ATF6: variants seen among roughly 807,000 people sequenced by gnomAD.
ATF6 encodes the protein activating transcription factor 6, also known as cyclic AMP-dependent transcription factor ATF-6 alpha.
A neutral mutation model predicts 83.6 loss-of-function variants in ATF6; 53 were observed. The ratio of observed to expected loss-of-function variants is 0.63; its 90% CI spans 0.51 to 0.80. The LOEUF is 0.80. Among genes scored for constraint, ATF6 ranks in the 30% least tolerant of loss-of-function variants. The pLI is 0.00. For missense variants in ATF6, 744 were observed against 797.9 expected, an observed-to-expected ratio of 0.93 and a Z score of 0.81; for synonymous variants, 288 against 285.8, an observed-to-expected ratio of 1.01 and a Z score of -0.08.
chr1:161,925,327 A>G (rs1360223245), intron 15 of ATF6, among the ~76,000 whole-genome samples: 3 of 152,190 alleles, frequency 2.0e-5, no homozygotes, highest in Non-Finnish European at 1.5e-5. Context: ...TACATCATAC[A>G]TTGTACCTTC....
intron 10 of ATF6, among the ~76,000 whole-genome samples, chr1:161,848,763 G>A (rs535382184): frequency 3.3e-5 from 5 of 151,968 alleles, no homozygotes; most frequent in Non-Finnish European, 7.4e-5. Flanking sequence ...TTACTTTAAT[G>A]ATTTATTTGT....
chr1:161,867,063 G>A (rs998369849), intron 14 of ATF6, among the ~76,000 whole-genome samples: 2 of 152,178 alleles, frequency 1.3e-5, no homozygotes, highest in African/African-American at 2.4e-5. Flanking sequence ...GGGAGGCCGA[G>A]GCGGGTGGAT....
At chr1:161,799,959 A>G (rs1335106182) in intron 6 of ATF6, among the ~76,000 whole-genome samples, 2 of 152,186 alleles carry the variant, frequency 1.3e-5, no homozygotes, top group Non-Finnish European at 2.9e-5. Flanking sequence ...TAAACAAATT[A>G]TAAATTTACA....
At chr1:161,830,401 T>C (rs928481606) in intron 9 of ATF6, among the ~76,000 whole-genome samples, 7 of 152,118 alleles carry the variant, frequency 4.6e-5, no homozygotes, top group East Asian at 1.9e-4. Flanking sequence ...CAATGCCATC[T>C]CCATCAAGCT....
intron 14 of ATF6, chr1:161,891,663 C>T (rs1413837225): frequency 6.6e-6 from 1 of 152,156 alleles, no homozygotes; most frequent in Non-Finnish European, 1.5e-5. Flanking sequence ...GAGCACCAAC[C>T]GTGATAACCT....
rs180835782 is a variant in ATF6 at position 161,827,135 on chromosome 1, G to T, written c.1187+5974G>T. Among the ~76,000 whole-genome samples, 814 of 152,132 alleles carry T rather than the reference G, an allele frequency of 5.4e-3. 9 individuals are homozygous for T. Among genetic ancestry groups the T allele is most frequent in the Non-Finnish European group, 7.9e-3 (536 of 67,994 alleles). The stretch of plus-strand genomic sequence containing the variant: ...TTTAGTAGAGACAGGGTTTCACCAT[G>T]TTGGTCAGGCTGGTCTCGAACTCCT... On this transcript the variant is annotated intron_variant, in intron 9 of 15. Coordinates refer to ENST00000367942, the MANE Select transcript of ATF6 (RefSeq NM_007348.4).
At chr1:161,901,505 AAAATT>A (rs1369579997) in intron 14 of ATF6, among the ~76,000 whole-genome samples, 3 of 151,984 alleles carry the variant, frequency 2.0e-5, no homozygotes, top group Admixed American at 2.0e-4. Context: ...AAAAAAAAAA[AAAATT>A]AGTGAGAAGA....
At chr1:161,936,234 G>C (rs1487966346) in intron 15 of ATF6, among the ~76,000 whole-genome samples, 1 of 152,176 alleles carries the variant, frequency 6.6e-6, no homozygotes, top group Non-Finnish European at 1.5e-5. Flanking sequence ...TTGAGGAGCA[G>C]TTATATTTCA....
intron 15 of ATF6, among the ~76,000 whole-genome samples, chr1:161,912,610 A>G (rs1357776138): frequency 6.6e-6 from 1 of 152,182 alleles, no homozygotes; most frequent in Non-Finnish European, 1.5e-5. Context: ...CAAAATTGGA[A>G]AAGCTAGCAT....
intron 15 of ATF6, among the ~76,000 whole-genome samples, chr1:161,923,073 T>A (rs1274399720): frequency 6.6e-6 from 1 of 152,140 alleles, no homozygotes; most frequent in East Asian, 1.9e-4. Flanking sequence ...TCTGCAAAAC[T>A]TTTGCTTTAC....
At chr1:161,866,739 C>A (rs1687009714) in intron 14 of ATF6, among the ~76,000 whole-genome samples, 1 of 151,974 alleles carries the variant, frequency 6.6e-6, no homozygotes, top group African/African-American at 2.4e-5. Context: ...AAGTTTAATG[C>A]CTTTTTTGTT....
chr1:161,951,248 G>A (rs929177743), intron 15 of ATF6, among the ~76,000 whole-genome samples: 1 of 152,244 alleles, frequency 6.6e-6, no homozygotes, highest in African/African-American at 2.4e-5. Flanking sequence ...AGGTTGAAGA[G>A]AAGTGACTTT....
At chr1:161,931,404 C>T (rs1057113997) in intron 15 of ATF6, among the ~76,000 whole-genome samples, 1 of 152,178 alleles carries the variant, frequency 6.6e-6, no homozygotes, top group African/African-American at 2.4e-5. Context: ...TTGCCTTCCA[C>T]TATCTTTTTC....
In ATF6 at chr1:161,960,905, A is replaced by G. The variant is rs925108017; in HGVS notation, c.*2251A>G. Reference sequence around the variant, plus strand: ...TGACCATGGCTAGTAGACAGTGGCAACATAGTCATCCCCAAGATGCTAATC... The same window carrying G: ...TGACCATGGCTAGTAGACAGTGGCAGCATAGTCATCCCCAAGATGCTAATC... On this transcript the variant is annotated 3_prime_UTR_variant, in exon 16 of 16. Transcript: ENST00000367942. 6.6e-6 allele frequency: 1 copy of G among 152,250 alleles called. No individual in the cohort carries two copies. The highest frequency in any genetic ancestry group is 2.4e-5 in the African/African-American group (1 of 41,460). The allele number at this position is 152,250 out of a possible 1,614,324, so 9.4% of individuals were successfully genotyped here.
At chr1:161,813,673 C>T (rs1190491570) in intron 7 of ATF6, among the ~76,000 whole-genome samples, 3 of 152,084 alleles carry the variant, frequency 2.0e-5, no homozygotes, top group Admixed American at 1.3e-4. Context: ...ATGTCATAAG[C>T]ACTATTCTGG....
chr1:161,800,654 A>T (rs774816576), intron 6 of ATF6, among the ~76,000 whole-genome samples: 1 of 152,228 alleles, frequency 6.6e-6, no homozygotes, highest in Non-Finnish European at 1.5e-5. Context: ...ACAACAAAAA[A>T]TGGCAGCTTT....
At chr1:161,837,076 G>A (rs1313949577) in intron 9 of ATF6, among the ~76,000 whole-genome samples, 2 of 152,142 alleles carry the variant, frequency 1.3e-5, no homozygotes, top group Non-Finnish European at 2.9e-5. Flanking sequence ...ACTTAATATA[G>A]CTGGGTGGAA....
At chr1:161,850,277 GT>G (rs1442533018) in intron 10 of ATF6, among the ~76,000 whole-genome samples, 12 of 151,840 alleles carry the variant, frequency 7.9e-5, no homozygotes, top group Non-Finnish European at 1.6e-4. Flanking sequence ...GCCTCATCCT[GT>G]TCCCTCTCTA....
At position 161,783,964 on chromosome 1, in the gene ATF6, T is replaced by C. The variant is rs778165944; in HGVS notation, c.248-26T>C. ...TTATAAGTTTTTATTGTCCAGTGGG[T>C]AAAACCTTTCCTCCATGTTTTCCAG... On this transcript the variant is annotated intron_variant, in intron 3 of 15. Coordinates refer to ENST00000367942, the MANE Select transcript of ATF6 (RefSeq NM_007348.4). 1.2e-5 allele frequency: 17 copies of C among 1,473,902 alleles called. No individual in the cohort carries two copies. The African/African-American group carries it at 1.9e-4, about 17-fold the overall frequency. 91.3% of individuals were successfully genotyped at this position (1,473,902 alleles called of 1,614,324 possible). A position where few individuals can be genotyped will look rare whatever the true frequency, so the allele number is the denominator to read the frequency against.
Sources: gnomAD v4.1 joint callset for allele counts (sites outside exome capture counted in the v4.1 genomes callset) on GRCh38, gnomAD v4.1.1 for gene constraint, MANE v1.5 for transcripts, NCBI Gene and HGNC (gene_info 2026-07-23, HGNC 2026-07-21) for gene names.